The following GALR1 variants were observed in gnomAD, a reference collection of about 807,000 sequenced individuals.
GALR1 encodes galanin receptor type 1.
In GALR1, 11 loss-of-function variants were observed where a neutral mutation model predicts 17.9. The observed-to-expected ratio is 0.62, with a 90% CI of 0.39 to 1.02. The LOEUF (loss-of-function observed/expected upper bound fraction) is 1.02. Ranked by LOEUF, GALR1 falls within the 50% of genes least tolerant of loss-of-function variation. The probability of loss-of-function intolerance (pLI) is 0.01; values close to 1 mark genes in which losing one functional copy is unlikely to be tolerated. For missense variants in GALR1, 441 were observed against 456.9 expected (o/e 0.97, Z 0.32); for synonymous variants, 206 against 205.7 (o/e 1.00, Z -0.01).
Position 77,269,285 on chromosome 18 carries a change from GA to G in GALR1, c.*392del, listed in dbSNP as rs5826511. 147,080 of 156,320 alleles carry G rather than the reference GA, an allele frequency of 0.94. 69,830 individuals are homozygous for G. The highest frequency in any genetic ancestry group is 1 in the East Asian group (5,311 of 5,314). The allele number at this position is 156,320 out of a possible 1,614,324, so 9.7% of individuals were successfully genotyped here. On this transcript the variant is annotated 3_prime_UTR_variant, in exon 3 of 3. Transcript: ENST00000299727. ...CTACATTTTAAAGCCAATTTATTTA[GA>G]AAAAAAAATTTGAGCTTTAATTCTT...
rs571407172 is a variant in GALR1 at position 77,275,446 on chromosome 18, G to C, written c.*6544G>C. The stretch of plus-strand genomic sequence containing the variant: ...TGGAGTTTCTGTCATTCCTGGTCTA[G>C]AGTTCATGTGTGAAGGTCAAATATA... On this transcript the variant is annotated 3_prime_UTR_variant, in exon 3 of 3. Transcript: ENST00000299727. 4 of 152,368 alleles carry C rather than the reference G, an allele frequency of 2.6e-5. No individual in the cohort carries two copies. The South Asian group carries it at 8.3e-4, about 32-fold the overall frequency. The allele number at this position is 152,368 out of a possible 1,614,324, so 9.4% of individuals were successfully genotyped here.
rs988117579 is a variant in GALR1 at position 77,269,798 on chromosome 18, C to T, written c.*896C>T. ...GCGAGGTTGATGTAGATAATAATTT[C>T]TATGGGACCAAAGACTAGACAGAAT... On this transcript the variant is annotated 3_prime_UTR_variant, in exon 3 of 3. Coordinates refer to ENST00000299727, the MANE Select transcript of GALR1 (RefSeq NM_001480.4). 1 of 152,144 alleles carries T rather than the reference C, an allele frequency of 6.6e-6. No individual in the cohort carries two copies. Among genetic ancestry groups the T allele is most frequent in the Admixed American group, 6.5e-5 (1 of 15,270 alleles). The allele number at this position is 152,144 out of a possible 1,614,324, so 9.4% of individuals were successfully genotyped here. A position where few individuals can be genotyped will look rare whatever the true frequency, so the allele number is the denominator to read the frequency against.
At chr18:77,264,066 G>A (rs1912891026) in intron 2 of GALR1, among the ~76,000 whole-genome samples, 1 of 142,924 alleles carries the variant, frequency 7.0e-6, no homozygotes, top group Non-Finnish European at 1.5e-5. Flanking sequence ...CGTGGGAGAT[G>A]GAGGTTGCAG....
intron 2 of GALR1, 111 bp downstream of exon 2, chr18:77,256,334 G>C: frequency 1.6e-6 from 1 of 644,356 alleles, no homozygotes; most frequent in Non-Finnish European, 2.7e-6. Context: ...AGGACCCTTG[G>C]TGTGGCTAAG....
rs1568139276 is a variant in GALR1 at position 77,253,019 on chromosome 18, CCACCAT to C, written c.666+1811_666+1816del. Among the ~76,000 whole-genome samples the C allele has an allele frequency of 6.8e-3, 641 of 93,864 alleles. 18 individuals carry two copies. Among genetic ancestry groups the C allele is most frequent in the Non-Finnish European group, 7.6e-3 (311 of 41,152 alleles). The allele number at this position is 93,864 out of a possible 152,430, so 61.6% of individuals were successfully genotyped here. A position where few individuals can be genotyped will look rare whatever the true frequency, so the allele number is the denominator to read the frequency against. ...ACCACCACCACCACCACCACCACCA[CCACCAT>C]CACCACCATCACCACCACCACCACC... On this transcript the variant is annotated intron_variant, in intron 1 of 2. Transcript: ENST00000299727.
intron 2 of GALR1, among the ~76,000 whole-genome samples, chr18:77,267,839 A>G (rs143129686): frequency 9.4e-4 from 143 of 152,312 alleles, no homozygotes; most frequent in African/African-American, 3.3e-3. Flanking sequence ...GGCCATGGCC[A>G]TGTATACAGG....
rs1265853997 is a variant in GALR1 at position 77,277,434 on chromosome 18, C to T, written c.*8532C>T. ...TTCCCCTGCTGGTACATTCTCTCTT[C>T]GCCTGCTGCCATCCATGTAAGATGT... On this transcript the variant is annotated 3_prime_UTR_variant, in exon 3 of 3. Coordinates refer to ENST00000299727, the MANE Select transcript of GALR1 (RefSeq NM_001480.4). The T allele has an allele frequency of 1.3e-5, 2 of 152,240 alleles. No homozygotes were observed. Among genetic ancestry groups the T allele is most frequent in the Admixed American group, 6.5e-5 (1 of 15,278 alleles). The allele number at this position is 152,240 out of a possible 1,614,324, so 9.4% of individuals were successfully genotyped here.
At chr18:77,259,700 A>G (rs113301601) in intron 2 of GALR1, among the ~76,000 whole-genome samples, 13 of 117,260 alleles carry the variant, frequency 1.1e-4, no homozygotes, top group South Asian at 3.0e-4. Flanking sequence ...AATTGTGGTG[A>G]TGGTGGTGAT....
intron 1 of GALR1, 52 bp downstream of exon 1, chr18:77,251,266 G>A (rs1464300424): frequency 6.5e-7 from 1 of 1,540,154 alleles, no homozygotes. Context: ...GAGGGCCGGT[G>A]GGGGCCCTGG....
Position 77,272,108 on chromosome 18 carries a change from C to T in GALR1, c.*3206C>T, listed in dbSNP as rs1488444408. ...CTCTTGTGCTTTTATCTTTTTTATC[C>T]TAACTCACTTCTATCCAGATTTCCT... On this transcript the variant is annotated 3_prime_UTR_variant, in exon 3 of 3. Transcript: ENST00000299727. The T allele has an allele frequency of 6.6e-6, 1 of 152,154 alleles. No individual in the cohort carries two copies. The highest frequency in any genetic ancestry group is 1.5e-5 in the Non-Finnish European group (1 of 68,036). The allele number at this position is 152,154 out of a possible 1,614,324, so 9.4% of individuals were successfully genotyped here. A position where few individuals can be genotyped will look rare whatever the true frequency, so the allele number is the denominator to read the frequency against.
At position 77,271,246 on chromosome 18, in the gene GALR1, A is replaced by ACCCCCCCC. The variant is rs35556274; in HGVS notation, c.*2350_*2357dup. 9.0e-4 allele frequency: 70 copies of ACCCCCCCC among 77,972 alleles called. 1 individual carries two copies. The highest frequency in any genetic ancestry group is 1.4e-3 in the Non-Finnish European group (49 of 35,078). 4.8% of individuals were successfully genotyped at this position (77,972 alleles called of 1,614,324 possible). A position where few individuals can be genotyped will look rare whatever the true frequency, so the allele number is the denominator to read the frequency against. ...CAAAAAGTAATAGCTTGCGCTTGAA[A>ACCCCCCCC]CCCCCCCCCCCCCGCCACTTTGCTA... is the stretch of plus-strand genomic sequence containing the variant. On this transcript the variant is annotated 3_prime_UTR_variant, in exon 3 of 3. Transcript: ENST00000299727.
chr18:77,262,448 A>G (rs571057517), intron 2 of GALR1, among the ~76,000 whole-genome samples: 1 of 152,338 alleles, frequency 6.6e-6, no homozygotes, highest in East Asian at 1.9e-4. Context: ...ATCTTCTACC[A>G]GCATCCGTTG....
intron 2 of GALR1, among the ~76,000 whole-genome samples, chr18:77,266,302 C>T (rs914537096): frequency 6.6e-6 from 1 of 152,208 alleles, no homozygotes; most frequent in African/African-American, 2.4e-5. Flanking sequence ...GTCCATATCA[C>T]TATCACCATT....
chr18:77,258,950 C>G (rs868063705), intron 2 of GALR1, among the ~76,000 whole-genome samples: 2,922 of 90,776 alleles, frequency 0.032, 16 homozygotes, highest in African/African-American at 0.094. Context: ...TGATGGTGGT[C>G]ATGGTGGTCA....
At chr18:77,261,017 C>A (rs1435124792) in intron 2 of GALR1, among the ~76,000 whole-genome samples, 1 of 145,434 alleles carries the variant, frequency 6.9e-6, no homozygotes, top group Non-Finnish European at 1.5e-5. Flanking sequence ...TTTTTTTTAT[C>A]ATTCTCACCT....
intron 2 of GALR1, among the ~76,000 whole-genome samples, chr18:77,258,591 A>ATGGTGATGGTGGTGGGTGGTGATGG (rs1568141232): frequency 3.1e-4 from 3 of 9,658 alleles, no homozygotes; most frequent in Non-Finnish European, 5.3e-4. Flanking sequence ...CATGGTGGTG[A>ATGGTGATGGTGGTGGGTGGTGATGG]TGGTGGTGGT....
rs1220309696 is a variant in GALR1, at chr18:77,269,597, GA to G, written c.*698del. On this transcript the variant is annotated 3_prime_UTR_variant, in exon 3 of 3. Coordinates refer to ENST00000299727, the MANE Select transcript of GALR1 (RefSeq NM_001480.4). ...CACTGTTGATTCAAATTTATCCTGT[GA>G]AACTGGCTTTATAGAGTTAACAAAA... 1 of 152,238 alleles carries G rather than the reference GA, an allele frequency of 6.6e-6. No homozygotes were observed. Among genetic ancestry groups the G allele is most frequent in the East Asian group, 1.9e-4 (1 of 5,198 alleles). The allele number at this position is 152,238 out of a possible 1,614,324, so 9.4% of individuals were successfully genotyped here. A position where few individuals can be genotyped will look rare whatever the true frequency, so the allele number is the denominator to read the frequency against.
At chr18:77,259,859 G>A (rs1404659476) in intron 2 of GALR1, among the ~76,000 whole-genome samples, 1 of 151,926 alleles carries the variant, frequency 6.6e-6, no homozygotes, top group East Asian at 1.9e-4. Context: ...TGAGACAGGG[G>A]AGACTCGGGA....
Position 77,256,180 on chromosome 18 carries a change from A to T in GALR1, c.689A>T (p.Lys230Met). The T allele has an allele frequency of 6.2e-7, 1 of 1,604,858 alleles. No individual in the cohort carries two copies. The highest frequency in any genetic ancestry group is 8.5e-7 in the Non-Finnish European group (1 of 1,171,612). ...CAGGTCCTTAATCACTTGCATAAAA[A>T]GTTGAAGAACATGTCAAAGAAGTCT... Reference protein sequence around the residue: ...YAKVLNHLHKKLKNMSKKSEA... With the variant: ...YAKVLNHLHKMLKNMSKKSEA... Residue 230 changes from lysine to methionine, a missense_variant, in exon 2 of 3, where the codon AAG (lysine) becomes ATG (methionine). Transcript: ENST00000299727.
Sources: allele counts gnomAD v4.1 joint callset (sites outside exome capture counted in the v4.1 genomes callset), GRCh38; gene constraint gnomAD v4.1.1; transcripts MANE v1.5; gene names NCBI Gene and HGNC (gene_info 2026-07-23, HGNC 2026-07-21).